The following ADNP2 variants were observed in gnomAD, a reference collection of about 807,000 sequenced individuals.
The protein encoded by ADNP2 is ADNP homeobox 2.
Under a neutral mutation model 16.4 loss-of-function variants are expected in ADNP2, and 8 were observed. The observed-to-expected ratio is 0.49, with a 90% CI of 0.29 to 0.88. The LOEUF is 0.88. Ranked by LOEUF, ADNP2 falls within the 40% of genes least tolerant of loss-of-function variation. The pLI is 0.09. For synonymous variants in ADNP2, 637 were observed against 545.8 expected (o/e 1.17, Z -2.33); for missense variants, 1,397 against 1,395.1 (o/e 1.00, Z -0.02).
intron 2 of ADNP2, among the ~76,000 whole-genome samples, chr18:80,118,781 T>C (rs936169788): frequency 2.6e-5 from 4 of 152,202 alleles, no homozygotes; most frequent in African/African-American, 9.7e-5. Flanking sequence ...CACGGCTGTT[T>C]ACTTTTTTTT....
chr18:80,111,085 C>T, intron 1 of ADNP2, among the ~76,000 whole-genome samples: 1 of 152,194 alleles, frequency 6.6e-6, no homozygotes, highest in Non-Finnish European at 1.5e-5. Flanking sequence ...CCCTGCCCTT[C>T]ATCCTCTGGC....
chr18:80,136,419 A>T lies in ADNP2; in HGVS notation c.1006A>T (p.Ser336Cys), dbSNP rs1211587533. The T allele has an allele frequency of 1.9e-6, 3 of 1,613,954 alleles. No individual in the cohort carries two copies. Among genetic ancestry groups the T allele is most frequent in the Non-Finnish European group, 2.5e-6 (3 of 1,179,994 alleles). Residue 336 changes from serine to cysteine, a missense_variant, in exon 4 of 4, where the codon AGC becomes TGC. By Grantham distance (112) the Ser-to-Cys change is moderately radical (BLOSUM62 -1). Around this residue, in one of 3 missense-constraint regions of ADNP2, gnomAD observed 777 missense variants for 719.4 expected, o/e 1.08. Transcript: ENST00000262198. ...CCAATCCCACATGACTCTGGTCTCCAGCCCTCTGCCTGTGGGCCAGAACAG... is the reference window on the plus strand; with the variant it reads ...CCAATCCCACATGACTCTGGTCTCCTGCCCTCTGCCTGTGGGCCAGAACAG... ...AGQSHMTLVS[S>C]PLPVGQNSLT...
chr18:80,120,741 G>A lies in ADNP2; in HGVS notation c.108+3091G>A, dbSNP rs117205895. ...CGATCTCTGACTCACTGCAACCTCC[G>A]ACTCCCTGGTTCAAGTGATTCTCCT... is the stretch of plus-strand genomic sequence containing the variant. On this transcript the variant is annotated intron_variant, in intron 2 of 3. Transcript: ENST00000262198. Among the ~76,000 whole-genome samples, 66 of 152,100 alleles carry A rather than the reference G, an allele frequency of 4.3e-4. 1 individual carries two copies. In the East Asian group the frequency reaches 7.6e-3, roughly 17 times the overall value.
At chr18:80,131,507 C>T (rs1010551009) in intron 2 of ADNP2, among the ~76,000 whole-genome samples, 2 of 149,960 alleles carry the variant, frequency 1.3e-5, no homozygotes, top group African/African-American at 4.9e-5. Context: ...TTCCCTAAGA[C>T]GAATGGATTG....
intron 1 of ADNP2, among the ~76,000 whole-genome samples, chr18:80,113,317 A>G (rs891187960): frequency 6.6e-6 from 1 of 152,212 alleles, no homozygotes; most frequent in Non-Finnish European, 1.5e-5. Flanking sequence ...CTTTGAAAAG[A>G]AATTTATCCG....
At position 80,136,010 on chromosome 18, in the gene ADNP2, A is replaced by G; in HGVS notation, c.597A>G (p.Lys199=). ...CTGAGGAAATGGGTGAGCAACCGAA[A>G]ACTAACGATACTGTTTCTATAGAGA... The part of the protein sequence containing the change: ...LRTEEMGEQP[K]TNDTVSIEKI... The change falls in exon 4 of 4, where the codon AAA becomes AAG. Residue 199 remains lysine (K), a synonymous_variant. Coordinates refer to ENST00000262198, the MANE Select transcript of ADNP2 (RefSeq NM_014913.4). The G allele has an allele frequency of 6.2e-7, 1 of 1,614,252 alleles. No homozygotes were observed. Among genetic ancestry groups the G allele is most frequent in the African/African-American group, 1.3e-5 (1 of 75,074 alleles).
intron 2 of ADNP2, among the ~76,000 whole-genome samples, chr18:80,129,805 TTGA>T (rs988118754): frequency 2.0e-5 from 3 of 152,220 alleles, no homozygotes; most frequent in African/African-American, 7.2e-5. Context: ...TTAACACCTG[TTGA>T]TGATCCTGGT....
intron 1 of ADNP2, among the ~76,000 whole-genome samples, chr18:80,115,749 A>G (rs180676264): frequency 4.6e-5 from 7 of 152,220 alleles, no homozygotes; most frequent in Admixed American, 3.3e-4. Context: ...ATCACTTCCC[A>G]GTTCTCCCAG....
intron 3 of ADNP2, among the ~76,000 whole-genome samples, chr18:80,134,706 G>A (rs894010943): frequency 3.3e-5 from 5 of 152,046 alleles, no homozygotes; most frequent in African/African-American, 9.7e-5. Context: ...TTTAGGCCGC[G>A]AACTTGTTAA....
chr18:80,132,947 C>T (rs2052507682), intron 2 of ADNP2, among the ~76,000 whole-genome samples, 156 bp from the exon 3 acceptor site: 1 of 152,174 alleles, frequency 6.6e-6, no homozygotes, highest in African/African-American at 2.4e-5. Context: ...TCTCGACCTC[C>T]TGGCCTCAAG....
In ADNP2 at chr18:80,139,581, G is replaced by C. The variant is rs1236897571; in HGVS notation, c.*772G>C. 5 of 150,662 alleles carry C rather than the reference G, an allele frequency of 3.3e-5. No individual in the cohort carries two copies. Among genetic ancestry groups the C allele is most frequent in the Non-Finnish European group, 5.9e-5 (4 of 67,422 alleles). 9.3% of individuals were successfully genotyped at this position (150,662 alleles called of 1,614,324 possible). A position where few individuals can be genotyped will look rare whatever the true frequency, so the allele number is the denominator to read the frequency against. On this transcript the variant is annotated 3_prime_UTR_variant, in exon 4 of 4. Transcript: ENST00000262198. ...TAGATTTTCCCTTTTGATATGCTAA[G>C]TCATTTCTCCGTTCAGAGGTAAAAC... is the stretch of plus-strand genomic sequence containing the variant.
At chr18:80,112,006 A>G (rs2145188176) in intron 1 of ADNP2, among the ~76,000 whole-genome samples, 1 of 152,224 alleles carries the variant, frequency 6.6e-6, no homozygotes, top group Non-Finnish European at 1.5e-5. Flanking sequence ...GCCTACCCTA[A>G]ACATTAGGAA....
At chr18:80,116,634 CA>C (rs2073691774) in intron 1 of ADNP2, among the ~76,000 whole-genome samples, 1 of 151,704 alleles carries the variant, frequency 6.6e-6, no homozygotes, top group Non-Finnish European at 1.5e-5. Context: ...TGATGTTGAG[CA>C]TTTTTTTTTG....
rs2052552377 is a variant in ADNP2 at position 80,137,831 on chromosome 18, A to C, written c.2418A>C (p.Arg806Ser). 1 of 1,614,128 alleles carries C rather than the reference A, an allele frequency of 6.2e-7. No homozygotes were observed. Among genetic ancestry groups the C allele is most frequent in the South Asian group, 1.1e-5 (1 of 91,080 alleles). ...KKKLPMDYSN[R>S]GFQLDVDANG... ...AGTTGCCTATGGATTATAGCAACAGAGGTTTTCAATTAGATGTCGATGCCA... is the reference window on the plus strand; with the variant it reads ...AGTTGCCTATGGATTATAGCAACAGCGGTTTTCAATTAGATGTCGATGCCA... The change falls in exon 4 of 4, where the codon AGA (arginine) becomes AGC (serine). Residue 806 changes from arginine (R) to serine (S), a missense_variant. By Grantham distance (110) the Arg-to-Ser change is moderately radical (BLOSUM62 -1). Around this residue, in one of 3 missense-constraint regions of ADNP2, gnomAD observed 611 missense variants for 648.7 expected, o/e 0.94. Transcript: ENST00000262198. The surrounding 1 kb of genome is among the most constrained non-coding windows in gnomAD (Gnocchi z 4.2).
intron 1 of ADNP2, among the ~76,000 whole-genome samples, chr18:80,111,367 A>C (rs181942060): frequency 2.0e-5 from 3 of 152,274 alleles, no homozygotes; most frequent in Non-Finnish European, 4.4e-5. Context: ...CCTGTTTTAC[A>C]GAAGAGCCAG....
chr18:80,137,566 A>G lies in ADNP2; in HGVS notation c.2153A>G (p.His718Arg). ...GTCCACATGGAGGTAGCGCATAAGC[A>G]CAGCGAGTCCAAGTCTGGTGAGAAA... ...YQVHMEVAHK[H>R]SESKSGEKLE... Residue 718 changes from histidine to arginine, a missense_variant, in exon 4 of 4, where the codon CAC becomes CGC. Transcript: ENST00000262198. The surrounding 1 kb of genome is among the most constrained non-coding windows in gnomAD (Gnocchi z 4.2). 6.2e-7 allele frequency: 1 copy of G among 1,614,246 alleles called. No individual in the cohort carries two copies. Among genetic ancestry groups the G allele is most frequent in the Non-Finnish European group, 8.5e-7 (1 of 1,180,044 alleles).
intron 2 of ADNP2, among the ~76,000 whole-genome samples, chr18:80,120,816 A>G (rs943002042): frequency 2.6e-5 from 4 of 152,050 alleles, no homozygotes; most frequent in Non-Finnish European, 5.9e-5. Context: ...CACCAAGTCC[A>G]ACTAATTTTT....
rs1330070873 is a variant in ADNP2, at chr18:80,135,706, A to G, written c.293A>G (p.Asp98Gly). 2 of 1,614,254 alleles carry G rather than the reference A, an allele frequency of 1.2e-6. No individual in the cohort carries two copies. The highest frequency in any genetic ancestry group is 1.1e-5 in the South Asian group (1 of 91,088). The change falls in exon 4 of 4, where the codon GAT (aspartate) becomes GGT (glycine). Residue 98 changes from aspartate to glycine, a missense_variant. Transcript: ENST00000262198. Reference protein sequence around the residue: ...FKNHLHRYHEDEIDQELVIPC... With the variant: ...FKNHLHRYHEGEIDQELVIPC... The stretch of plus-strand genomic sequence containing the variant: ...AATCATTTACATCGTTACCATGAAG[A>G]TGAAATTGACCAAGAGCTGGTGATC...
chr18:80,137,793 C>G lies in ADNP2; in HGVS notation c.2380C>G (p.Leu794Val), dbSNP rs756867299. The G allele has an allele frequency of 1.2e-6, 2 of 1,614,176 alleles. No individual in the cohort carries two copies. The highest frequency in any genetic ancestry group is 2.2e-5 in the South Asian group (2 of 91,082). ...GLSEHSRNRH[L>V]GKKKLPMDYS... is the part of the protein sequence containing the mutation. ...TTCAGAGCACAGCAGGAATAGGCACCTGGGGAAGAAGAAGTTGCCTATGGA... is the reference window on the plus strand; with the variant it reads ...TTCAGAGCACAGCAGGAATAGGCACGTGGGGAAGAAGAAGTTGCCTATGGA... The change falls in exon 4 of 4, where the codon CTG becomes GTG. Residue 794 changes from leucine to valine, a missense_variant. Leu to Val is a conservative substitution (Grantham distance 32, BLOSUM62 1). Coordinates refer to ENST00000262198, the MANE Select transcript of ADNP2 (RefSeq NM_014913.4). The surrounding 1 kb of genome is among the most constrained non-coding windows in gnomAD (Gnocchi z 4.2).
Sources: allele counts gnomAD v4.1 joint callset (sites outside exome capture counted in the v4.1 genomes callset), GRCh38; gene constraint gnomAD v4.1.1; regional missense constraint gnomAD v4.1.1; non-coding constraint Gnocchi (gnomAD v3.1); transcripts MANE v1.5; gene names NCBI Gene and HGNC (gene_info 2026-07-23, HGNC 2026-07-21).